ZNF723: variants seen among roughly 807,000 people sequenced by gnomAD.
The protein encoded by ZNF723 is zinc finger protein 723.
A neutral mutation model predicts 9.4 loss-of-function variants in ZNF723; 5 were observed. That is an observed-to-expected ratio of 0.53 (90% CI 0.28 to 1.12). The LOEUF (loss-of-function observed/expected upper bound fraction) is 1.12. ZNF723 is among the 50% of genes most tolerant of loss of function. ZNF723 has a pLI of 0.10. For missense variants in ZNF723, 450 were observed against 501.5 expected, an observed-to-expected ratio of 0.90 and a Z score of 0.98; for synonymous variants, 158 against 168.8, an observed-to-expected ratio of 0.94 and a Z score of 0.49.
the ZNF723 span, among the ~76,000 whole-genome samples, chr19:22,814,463 A>G: frequency 6.6e-6 from 1 of 152,170 alleles, no homozygotes. Context: ...ATTGAATTAC[A>G]TATGTGGTTC....
At chr19:22,849,711 C>A (rs1967366435) in intron 3 of ZNF723, among the ~76,000 whole-genome samples, 1 of 152,114 alleles carries the variant, frequency 6.6e-6, no homozygotes, top group African/African-American at 2.4e-5. Flanking sequence ...GAGTTCGAGA[C>A]CAGCCTGGCC....
chr19:22,844,293 TA>T (rs1967281936), intron 1 of ZNF723, among the ~76,000 whole-genome samples: 1 of 152,134 alleles, frequency 6.6e-6, no homozygotes, highest in Non-Finnish European at 1.5e-5. Flanking sequence ...AAAAAAAATA[TA>T]AACACAATAA....
the ZNF723 span, among the ~76,000 whole-genome samples, chr19:22,814,314 A>T: frequency 0.17 from 25,651 of 152,188 alleles, 2,493 homozygotes; most frequent in African/African-American, 0.27. Context: ...GAGTGACGTA[A>T]TAGGGCCAAG....
intron 1 of ZNF723, among the ~76,000 whole-genome samples, chr19:22,844,802 T>C (rs750217409): frequency 1.3e-4 from 20 of 152,164 alleles, no homozygotes; most frequent in Non-Finnish European, 2.8e-4. Context: ...GGGAGCATCA[T>C]CAGCATTGAC....
Position 22,854,356 on chromosome 19 carries a change from C to T in ZNF723, c.227-2762C>T, listed in dbSNP as rs78410994. Among the ~76,000 whole-genome samples the T allele has an allele frequency of 5.5e-4, 83 of 152,042 alleles. 1 individual carries two copies. The East Asian group carries it at 0.013, about 24-fold the overall frequency. On this transcript the variant is annotated intron_variant, in intron 3 of 3. Transcript: ENST00000600766. ...AGTATCTGCATAGAATGTGTATGTC[C>T]GTCTTGCCACTTTCTGTCTTTTTTT...
At chr19:22,848,847 C>T (rs1279229329) in intron 2 of ZNF723, among the ~76,000 whole-genome samples, 1 of 151,768 alleles carries the variant, frequency 6.6e-6, no homozygotes, top group Admixed American at 6.6e-5. Context: ...CCTCACCTCC[C>T]AGGTTCAAGA....
At chr19:22,856,241 G>T (rs1294605920) in intron 3 of ZNF723, among the ~76,000 whole-genome samples, 2 of 152,148 alleles carry the variant, frequency 1.3e-5, no homozygotes, top group East Asian at 3.9e-4. Flanking sequence ...TTATAGACAT[G>T]AGCCACTGTG....
chr19:22,813,045 C>G, the ZNF723 span, among the ~76,000 whole-genome samples: 3 of 152,234 alleles, frequency 2.0e-5, no homozygotes, highest in East Asian at 5.8e-4. Flanking sequence ...ATGATCTTGG[C>G]TGACTGCAAC....
chr19:22,819,763 C>A, the ZNF723 span, among the ~76,000 whole-genome samples: 1 of 152,226 alleles, frequency 6.6e-6, no homozygotes, highest in Non-Finnish European at 1.5e-5. Flanking sequence ...AACCCACCAT[C>A]TAGGTGATGT....
chr19:22,827,955 C>T (rs1356110649), upstream of ZNF723, among the ~76,000 whole-genome samples: 3 of 151,990 alleles, frequency 2.0e-5, no homozygotes. Context: ...TGGCACATGC[C>T]TGTAATCTCA....
Position 22,848,209 on chromosome 19 carries a change from C to T in ZNF723, c.4-52C>T, listed in dbSNP as rs73924713. 2.6e-3 allele frequency: 1,701 copies of T among 648,132 alleles called. 25 individuals carry two copies. In the African/African-American group the frequency reaches 0.029, roughly 11 times the overall value. The allele number at this position is 648,132 out of a possible 1,614,324, so 40.1% of individuals were successfully genotyped here. A position where few individuals can be genotyped will look rare whatever the true frequency, so the allele number is the denominator to read the frequency against. On this transcript the variant is annotated intron_variant, in intron 1 of 3. Transcript: ENST00000600766. ...CCTTCAGTCAAATTAAAAATTCTGCCGTTGGCCACCCGGTAAATATGTGTG... is the reference window on the plus strand; with the variant it reads ...CCTTCAGTCAAATTAAAAATTCTGCTGTTGGCCACCCGGTAAATATGTGTG...
the ZNF723 span, among the ~76,000 whole-genome samples, chr19:22,814,649 T>G: frequency 1.3e-5 from 2 of 152,172 alleles, no homozygotes; most frequent in African/African-American, 4.8e-5. Context: ...GTATTGACTC[T>G]CATACCTAGA....
chr19:22,827,437 T>TG (rs1555737904), upstream of ZNF723, among the ~76,000 whole-genome samples: 23,507 of 126,742 alleles, frequency 0.19, 1,789 homozygotes, highest in Non-Finnish European at 0.21. Context: ...TTTTTTTTTT[T>TG]GTTTTTTTGT....
chr19:22,843,617 T>C (rs1460609987), intron 1 of ZNF723, among the ~76,000 whole-genome samples: 1 of 152,176 alleles, frequency 6.6e-6, no homozygotes, highest in Non-Finnish European at 1.5e-5. Flanking sequence ...GAATTAAGCA[T>C]CATATGGTTG....
In ZNF723 at chr19:22,857,198, T is replaced by A. The variant is rs1599482235; in HGVS notation, c.307T>A (p.Tyr103Asn). ...DSFQKVILRSYGKYGHDNLQL... is the reference protein window; with the variant it reads ...DSFQKVILRSNGKYGHDNLQL... ...TTTCCAAAAAGTAATACTGAGAAGC[T>A]ATGGAAAATATGGACATGACAATTT... is the stretch of plus-strand genomic sequence containing the variant. The change falls in exon 4 of 4, where the codon TAT becomes AAT. Residue 103 changes from tyrosine to asparagine, a missense_variant. By Grantham distance (143) the Tyr-to-Asn change is moderately radical. Transcript: ENST00000600766. 10 of 903,428 alleles carry A rather than the reference T, an allele frequency of 1.1e-5. No homozygotes were observed. In the East Asian group the frequency reaches 2.4e-4, roughly 22 times the overall value. The allele number at this position is 903,428 out of a possible 1,614,324, so 56.0% of individuals were successfully genotyped here.
chr19:22,824,882 G>A, the ZNF723 span, among the ~76,000 whole-genome samples: 1 of 152,150 alleles, frequency 6.6e-6, no homozygotes, highest in South Asian at 2.1e-4. Context: ...CAGCAAATTA[G>A]AGAGAGGTTG....
the ZNF723 span, among the ~76,000 whole-genome samples, chr19:22,813,602 A>T: frequency 2.0e-5 from 3 of 151,808 alleles, no homozygotes; most frequent in Non-Finnish European, 4.4e-5. Flanking sequence ...TTAGTCAGGC[A>T]TTGTGGCGGG....
intron 1 of ZNF723, among the ~76,000 whole-genome samples, chr19:22,833,229 T>C (rs1967119957): frequency 6.6e-6 from 1 of 152,136 alleles, no homozygotes; most frequent in South Asian, 2.1e-4. Flanking sequence ...CTCGGCTCAC[T>C]GCAGTCTCCG....
chr19:22,854,078 A>G (rs181000261), intron 3 of ZNF723, among the ~76,000 whole-genome samples: 114 of 152,258 alleles, frequency 7.5e-4, no homozygotes, highest in African/African-American at 2.4e-3. Context: ...ATATCCTACT[A>G]TAATTATATT....
Sources: allele counts gnomAD v4.1 joint callset (sites outside exome capture counted in the v4.1 genomes callset), GRCh38; gene constraint gnomAD v4.1.1; transcripts MANE v1.5; gene names NCBI Gene and HGNC (gene_info 2026-07-23, HGNC 2026-07-21).